The following NRXN1 variants were observed in gnomAD, a reference collection of about 807,000 sequenced individuals.
The protein encoded by NRXN1 is neurexin-1.
Under a neutral mutation model 150.9 loss-of-function variants are expected in NRXN1, and 39 were observed. The ratio of observed to expected loss-of-function variants is 0.26; its 90% CI spans 0.20 to 0.34. The LOEUF (loss-of-function observed/expected upper bound fraction) is 0.34, where lower values mean the gene tolerates loss of function less well. Among genes scored for constraint, NRXN1 ranks in the 10% least tolerant of loss-of-function variants. The pLI is 1.00. For synonymous variants in NRXN1, 924 were observed against 757.0 expected (o/e 1.22, Z -3.62); for missense variants, 1,815 against 1,949.9 (o/e 0.93, Z 1.30).
chr2:50,149,489 G>GACCT (rs760042946), intron 18 of NRXN1, among the ~76,000 whole-genome samples: 12 of 151,674 alleles, frequency 7.9e-5, no homozygotes, highest in Non-Finnish European at 1.5e-4. Flanking sequence ...ATATCCTCAT[G>GACCT]ACCTAGTGTC....
chr2:50,752,735 A>T (rs1365294153), intron 5 of NRXN1, among the ~76,000 whole-genome samples: 1 of 151,868 alleles, frequency 6.6e-6, no homozygotes, highest in Non-Finnish European at 1.5e-5. Context: ...GGTTTTTCCA[A>T]GGCATCCATT....
chr2:50,706,365 T>A (rs1380574523), intron 5 of NRXN1, among the ~76,000 whole-genome samples: 3 of 152,166 alleles, frequency 2.0e-5, no homozygotes, highest in Admixed American at 2.0e-4. Context: ...TGAGATACAT[T>A]CTAGTATATT....
intron 2 of NRXN1, among the ~76,000 whole-genome samples, chr2:50,970,785 C>T (rs1039392805): frequency 2.6e-5 from 4 of 151,454 alleles, no homozygotes; most frequent in Non-Finnish European, 4.4e-5. Context: ...TTAATCTTTG[C>T]GGTTTTTGCT....
chr2:50,247,088 A>G (rs1469986612), intron 17 of NRXN1, among the ~76,000 whole-genome samples: 1 of 152,108 alleles, frequency 6.6e-6, no homozygotes, highest in Non-Finnish European at 1.5e-5. Context: ...GCCTACATCC[A>G]TCAGCATGAT....
chr2:50,478,545 C>T (rs2090182795), intron 15 of NRXN1, among the ~76,000 whole-genome samples: 1 of 151,858 alleles, frequency 6.6e-6, no homozygotes, highest in African/African-American at 2.4e-5. Context: ...GTTAAGTGGT[C>T]ACCAGCTTGA....
At chr2:50,427,594 T>G (rs2084603163) in intron 17 of NRXN1, among the ~76,000 whole-genome samples, 1 of 152,162 alleles carries the variant, frequency 6.6e-6, no homozygotes. Flanking sequence ...TCTTCCTCTT[T>G]CTCTAACAAG....
chr2:50,859,748 G>T (rs1459518555), intron 5 of NRXN1, among the ~76,000 whole-genome samples: 13 of 151,666 alleles, frequency 8.6e-5, no homozygotes, highest in Admixed American at 7.9e-4. Context: ...TCAGCCTTGA[G>T]AAACTACTTT....
At chr2:49,947,120 T>A (rs1400726034) in intron 21 of NRXN1, among the ~76,000 whole-genome samples, 1 of 152,100 alleles carries the variant, frequency 6.6e-6, no homozygotes, top group Non-Finnish European at 1.5e-5. Flanking sequence ...ATCAGCTTTT[T>A]GTTTTTTTCC....
intron 2 of NRXN1, among the ~76,000 whole-genome samples, chr2:50,975,119 G>C (rs951335141): frequency 1.3e-5 from 2 of 152,078 alleles, no homozygotes; most frequent in Non-Finnish European, 2.9e-5. Flanking sequence ...TCTTGCAAAT[G>C]TATACTAGTG....
intron 18 of NRXN1, among the ~76,000 whole-genome samples, chr2:50,142,130 A>G (rs1246114016): frequency 1.3e-5 from 2 of 152,116 alleles, no homozygotes; most frequent in Non-Finnish European, 2.9e-5. Flanking sequence ...GTCATAAAAA[A>G]GAATCAAAAC....
intron 21 of NRXN1, among the ~76,000 whole-genome samples, chr2:49,957,144 G>C (rs956700140): frequency 1.3e-5 from 2 of 152,090 alleles, no homozygotes; most frequent in African/African-American, 2.4e-5. Context: ...ATGAATGTTG[G>C]AGCTGAACAG....
intron 5 of NRXN1, among the ~76,000 whole-genome samples, chr2:50,775,331 G>C (rs1289573328): frequency 6.6e-6 from 1 of 152,038 alleles, no homozygotes; most frequent in African/African-American, 2.4e-5. Flanking sequence ...TATTTTCCTT[G>C]CTTCTGTGCC....
At chr2:50,573,829 T>C (rs1671014959) in intron 8 of NRXN1, among the ~76,000 whole-genome samples, 1 of 151,940 alleles carries the variant, frequency 6.6e-6, no homozygotes, top group African/African-American at 2.4e-5. Flanking sequence ...GGTATTTACA[T>C]TGTATTAGGT....
chr2:50,125,868 A>G (rs1216482643), intron 18 of NRXN1, among the ~76,000 whole-genome samples: 1 of 152,112 alleles, frequency 6.6e-6, no homozygotes, highest in East Asian at 1.9e-4. Flanking sequence ...AGGAGTTGAA[A>G]CTATTCATCA....
At chr2:50,906,906 G>A (rs761608267) in intron 5 of NRXN1, among the ~76,000 whole-genome samples, 15 of 151,920 alleles carry the variant, frequency 9.9e-5, no homozygotes, top group Non-Finnish European at 2.1e-4. Context: ...GGCATGCTGA[G>A]TACTTGGAAC....
chr2:50,274,262 T>C (rs920209326), intron 17 of NRXN1, among the ~76,000 whole-genome samples: 5 of 152,056 alleles, frequency 3.3e-5, no homozygotes, highest in Admixed American at 2.0e-4. Context: ...CATTCTCAGC[T>C]AACTAACATC....
chr2:50,570,913 C>G (rs1244452596), intron 8 of NRXN1, among the ~76,000 whole-genome samples: 1 of 152,024 alleles, frequency 6.6e-6, no homozygotes, highest in Non-Finnish European at 1.5e-5. Context: ...ATCACCTTAC[C>G]CTATGCTAGA....
At chr2:50,583,756 C>T (rs1672654158) in intron 8 of NRXN1, among the ~76,000 whole-genome samples, 3 of 152,134 alleles carry the variant, frequency 2.0e-5, no homozygotes, top group Admixed American at 6.5e-5. Context: ...TTGAAGACCC[C>T]GACCAGATGT....
chr2:50,987,598 G>C (rs1020477395), intron 2 of NRXN1, among the ~76,000 whole-genome samples: 1 of 151,892 alleles, frequency 6.6e-6, no homozygotes, highest in African/African-American at 2.4e-5. Flanking sequence ...TCAAATCAGC[G>C]CTTCATGACC....
Sources: gnomAD v4.1 joint callset for allele counts (sites outside exome capture counted in the v4.1 genomes callset) on GRCh38, gnomAD v4.1.1 for gene constraint, MANE v1.5 for transcripts, NCBI Gene and HGNC (gene_info 2026-07-23, HGNC 2026-07-21) for gene names.